The following CCR6 variants were observed in gnomAD, a reference collection of about 807,000 sequenced individuals.
CCR6 encodes C-C motif chemokine receptor 6, also known as C-C chemokine receptor type 6.
In CCR6, 2 loss-of-function variants were observed where a neutral mutation model predicts 3.0. That is an observed-to-expected ratio of 0.66 (90% CI 0.27 to 2.07). The LOEUF is 2.07. CCR6 is among the 30% of genes most tolerant of loss of function. The probability of loss-of-function intolerance (pLI) is 0.14; values close to 1 mark genes in which losing one functional copy is unlikely to be tolerated. For missense variants in CCR6, 322 were observed against 462.8 expected (o/e 0.70, Z 2.79); for synonymous variants, 193 against 184.3 (o/e 1.05, Z -0.38).
rs149593498 is a variant in CCR6 at position 167,136,679 on chromosome 6, C to T, written c.449C>T (p.Ala150Val). Residue 150 changes from alanine to valine, a missense_variant, in exon 3 of 3, where the codon GCG becomes GTG. By Grantham distance (64) the Ala-to-Val change is moderately conservative. Coordinates refer to ENST00000341935, the MANE Select transcript of CCR6 (RefSeq NM_031409.4). This position sits in a 1 kb window ranked among gnomAD's most constrained non-coding sequence, Gnocchi z 4.6. ...GACCGGTACATCGCCATTGTACAGG[C>T]GACTAAGTCATTCCGGCTCCGATCC... ...SMDRYIAIVQ[A>V]TKSFRLRSRT... 6.2e-4 allele frequency: 995 copies of T among 1,613,982 alleles called. No individual in the cohort carries two copies. The highest frequency in any genetic ancestry group is 8.0e-4 in the Non-Finnish European group (949 of 1,180,054).
At chr6:167,121,407 C>A (rs1781584649), upstream of CCR6, 1 of 152,274 alleles carries the variant, frequency 6.6e-6, no homozygotes, top group Non-Finnish European at 1.5e-5. Flanking sequence ...AAAGGGCTTA[C>A]TTTCTTACCT....
rs142779929 is a variant in CCR6, at chr6:167,125,737, C to A, written c.-98+2514C>A. ...AGAATGTATAATTAGGTGTTCTTTT[C>A]ATTTCTAAATGAATTAGCCAATTAA... On this transcript the variant is annotated intron_variant, in intron 1 of 2. Transcript: ENST00000341935. 1.2e-4 allele frequency among the ~76,000 whole-genome samples: 18 copies of A among 152,260 alleles called. No individual in the cohort carries two copies. The East Asian group carries it at 3.3e-3, about 28-fold the overall frequency.
chr6:167,124,341 C>T (rs910213658), intron 1 of CCR6, among the ~76,000 whole-genome samples: 1 of 151,460 alleles, frequency 6.6e-6, no homozygotes, highest in East Asian at 1.9e-4. Context: ...ATCAAACCTC[C>T]TGGTCTCCTC....
At chr6:167,112,666 A>C (rs1781433332) in intron 1 of CCR6, among the ~76,000 whole-genome samples, 1 of 152,142 alleles carries the variant, frequency 6.6e-6, no homozygotes, top group Non-Finnish European at 1.5e-5. Context: ...GGCTTTGTGC[A>C]GGGAGGTTGG....
At position 167,138,425 on chromosome 6, in the gene CCR6, G is replaced by C. The variant is rs938732197; in HGVS notation, c.*1070G>C. ...TGGCTGAAGACTTTTGTTATGAGGA[G>C]CTGCAGATTAGCTAGGGGACAGCTG... On this transcript the variant is annotated 3_prime_UTR_variant, in exon 3 of 3. Transcript: ENST00000341935. The C allele has an allele frequency of 2.6e-5, 4 of 152,074 alleles. No homozygotes were observed. Among genetic ancestry groups the C allele is most frequent in the African/African-American group, 9.7e-5 (4 of 41,306 alleles). The allele number at this position is 152,074 out of a possible 1,614,324, so 9.4% of individuals were successfully genotyped here.
intron 1 of CCR6, among the ~76,000 whole-genome samples, chr6:167,112,556 A>T (rs1781431218): frequency 1.3e-5 from 2 of 152,194 alleles, no homozygotes; most frequent in African/African-American, 4.8e-5. Flanking sequence ...ACAGACCAAA[A>T]TGGAACATGT....
upstream of CCR6, among the ~76,000 whole-genome samples, chr6:167,118,776 T>C (rs951036194): frequency 6.6e-6 from 1 of 152,152 alleles, no homozygotes; most frequent in African/African-American, 2.4e-5. Flanking sequence ...TTCTCATCTG[T>C]CACTTGAGGA....
chr6:167,113,807 C>T (rs141147196), intron 1 of CCR6, among the ~76,000 whole-genome samples: 68 of 152,318 alleles, frequency 4.5e-4, no homozygotes, highest in African/African-American at 1.5e-3. Context: ...CATCCTTCAG[C>T]GTTCAGATGA....
upstream of CCR6, among the ~76,000 whole-genome samples, chr6:167,117,882 G>T (rs548706816): frequency 6.6e-6 from 1 of 151,372 alleles, no homozygotes; most frequent in South Asian, 2.1e-4. Context: ...GTGATGAAAC[G>T]CGCAGGTCGC....
rs377315929 is a variant in CCR6, at chr6:167,130,257, A to C, written c.-97-5781A>C. On this transcript the variant is annotated intron_variant, in intron 1 of 2. Transcript: ENST00000341935. ...GCAAGGGTAGGTTCACTGGTTCACC[A>C]AGAACTGGACACAGGGCTCAGCACA... Among the ~76,000 whole-genome samples, 489 of 151,882 alleles carry C rather than the reference A, an allele frequency of 3.2e-3. 22 individuals are homozygous for C. The highest frequency in any genetic ancestry group is 0.012 in the African/African-American group (476 of 41,134).
upstream of CCR6, among the ~76,000 whole-genome samples, chr6:167,118,944 GC>G (rs1470281703): frequency 6.6e-6 from 1 of 152,138 alleles, no homozygotes; most frequent in African/African-American, 2.4e-5. Flanking sequence ...GGAGGAGGGT[GC>G]ACCTGCCCTG....
At chr6:167,131,976 C>A (rs999427811) in intron 1 of CCR6, among the ~76,000 whole-genome samples, 2 of 152,118 alleles carry the variant, frequency 1.3e-5, no homozygotes, top group African/African-American at 4.8e-5. Flanking sequence ...CCTTGTGTCG[C>A]CCAACCCCAG....
chr6:167,117,441 G>A, intron 1 of CCR6, among the ~76,000 whole-genome samples: 2 of 138,424 alleles, frequency 1.4e-5, no homozygotes, highest in Non-Finnish European at 3.1e-5. Flanking sequence ...TTTTGAGACG[G>A]AGTTTCGCTC....
chr6:167,136,866 G>A lies in CCR6; in HGVS notation c.636G>A (p.Leu212=), dbSNP rs772160013. Reference sequence around the variant, plus strand: ...TCTCGGAGCCCATCAGGTGGAAGCTGCTGATGTTGGGGCTTGAGCTACTCT... The same window carrying A: ...TCTCGGAGCCCATCAGGTGGAAGCTACTGATGTTGGGGCTTGAGCTACTCT... ...QTVSEPIRWK[L]LMLGLELLFG... The change falls in exon 3 of 3, where the codon CTG becomes CTA. Residue 212 remains leucine (L), a synonymous_variant. Transcript: ENST00000341935. This position sits in a 1 kb window ranked among gnomAD's most constrained non-coding sequence, Gnocchi z 4.6. 1.9e-6 allele frequency: 3 copies of A among 1,614,076 alleles called. No homozygotes were observed. Among genetic ancestry groups the A allele is most frequent in the African/African-American group, 1.3e-5 (1 of 74,932 alleles).
At chr6:167,116,503 C>T (rs1375499354) in intron 1 of CCR6, among the ~76,000 whole-genome samples, 1 of 152,240 alleles carries the variant, frequency 6.6e-6, no homozygotes, top group Non-Finnish European at 1.5e-5. Context: ...CTCCCTTCTC[C>T]CAGCCCAAGC....
At chr6:167,112,740 C>A (rs1405348102) in intron 1 of CCR6, among the ~76,000 whole-genome samples, 1 of 152,050 alleles carries the variant, frequency 6.6e-6, no homozygotes, top group African/African-American at 2.4e-5. Context: ...AGGAAAGAGC[C>A]ACAGCGTGCT....
chr6:167,129,010 G>A (rs41465451), intron 1 of CCR6, among the ~76,000 whole-genome samples: 3,147 of 152,146 alleles, frequency 0.021, 92 homozygotes, highest in African/African-American at 0.071. Flanking sequence ...ATCTTTTTAG[G>A]CTTCTTGACA....
At chr6:167,128,374 GA>G (rs2114925268) in intron 1 of CCR6, among the ~76,000 whole-genome samples, 1 of 152,322 alleles carries the variant, frequency 6.6e-6, no homozygotes, top group Non-Finnish European at 1.5e-5. Context: ...TATTGGGTTG[GA>G]AAGCCTTAGT....
rs1781868472 is a variant in CCR6, at chr6:167,137,514, T to G, written c.*159T>G. The G allele has an allele frequency of 1.5e-6, 1 of 667,424 alleles. No individual in the cohort carries two copies. The highest frequency in any genetic ancestry group is 1.8e-5 in the African/African-American group (1 of 55,220). 41.3% of individuals were successfully genotyped at this position (667,424 alleles called of 1,614,324 possible). On this transcript the variant is annotated 3_prime_UTR_variant, in exon 3 of 3. Transcript: ENST00000341935. The surrounding 1 kb of genome is among the most constrained non-coding windows in gnomAD (Gnocchi z 4.6). Reference sequence around the variant, plus strand: ...TAACGTGCTCATGGGCTGTGTGATCTCTTCAGGGTGGGGTGGTCTCTGATA... The same window carrying G: ...TAACGTGCTCATGGGCTGTGTGATCGCTTCAGGGTGGGGTGGTCTCTGATA...
Sources: allele counts gnomAD v4.1 joint callset (sites outside exome capture counted in the v4.1 genomes callset), GRCh38; gene constraint gnomAD v4.1.1; non-coding constraint Gnocchi (gnomAD v3.1); transcripts MANE v1.5; gene names NCBI Gene and HGNC (gene_info 2026-07-23, HGNC 2026-07-21).